The following CNTN6 variants were observed in gnomAD, a reference collection of about 807,000 sequenced individuals.
CNTN6 encodes the protein contactin-6.
CNTN6 carries 137 observed loss-of-function variants against 122.8 expected under a neutral mutation model. The observed-to-expected ratio is 1.12, with a 90% CI of 0.97 to 1.29. The LOEUF is 1.29. CNTN6 is among the 50% of genes most tolerant of loss of function. The pLI is 0.00. For missense variants in CNTN6, 1,634 were observed against 1,223.4 expected, an observed-to-expected ratio of 1.34 and a Z score of -5.01; for synonymous variants, 570 against 426.0, an observed-to-expected ratio of 1.34 and a Z score of -4.16.
intron 12 of CNTN6, among the ~76,000 whole-genome samples, chr3:1,355,472 C>G (rs1706398025): frequency 6.6e-6 from 1 of 151,552 alleles, no homozygotes; most frequent in South Asian, 2.1e-4. Context: ...ATTTTACAAC[C>G]TACAAATTTG....
intron 1 of CNTN6, among the ~76,000 whole-genome samples, chr3:1,105,087 T>C (rs1246840610): frequency 6.6e-6 from 1 of 152,150 alleles, no homozygotes; most frequent in African/African-American, 2.4e-5. Context: ...AATGTGAGTG[T>C]GTATATTACT....
At chr3:1,355,079 T>G (rs1353280448) in intron 12 of CNTN6, among the ~76,000 whole-genome samples, 1 of 151,642 alleles carries the variant, frequency 6.6e-6, no homozygotes, top group Non-Finnish European at 1.5e-5. Context: ...GTTACTTTCA[T>G]GCATTTACAC....
At chr3:1,265,365 G>A (rs1343474620) in intron 4 of CNTN6, among the ~76,000 whole-genome samples, 1 of 152,116 alleles carries the variant, frequency 6.6e-6, no homozygotes, top group African/African-American at 2.4e-5. Context: ...CCAATGAACA[G>A]ACATTTCCAT....
Position 1,311,419 on chromosome 3 carries a change from A to T in CNTN6, c.762-10231A>T, listed in dbSNP as rs1167667440. Among the ~76,000 whole-genome samples, 142 of 62,920 alleles carry T rather than the reference A, an allele frequency of 2.3e-3. 7 individuals carry two copies. The highest frequency in any genetic ancestry group is 8.1e-3 in the African/African-American group (121 of 14,848). The allele number at this position is 62,920 out of a possible 152,430, so 41.3% of individuals were successfully genotyped here. A position where few individuals can be genotyped will look rare whatever the true frequency, so the allele number is the denominator to read the frequency against. On this transcript the variant is annotated intron_variant, in intron 7 of 22. Coordinates refer to ENST00000446702, the MANE Select transcript of CNTN6 (RefSeq NM_001289080.2). ...ATATATGTACATATAAAATGTCTTT[A>T]TATGTACATATATGTACATATAAAA...
intron 17 of CNTN6, among the ~76,000 whole-genome samples, chr3:1,380,529 A>G (rs560642342): frequency 1.3e-5 from 2 of 152,314 alleles, no homozygotes; most frequent in South Asian, 2.1e-4. Flanking sequence ...AAATATTACT[A>G]TAAAATTAGG....
At chr3:1,241,292 G>T (rs1420616096) in intron 4 of CNTN6, among the ~76,000 whole-genome samples, 1 of 139,896 alleles carries the variant, frequency 7.1e-6, no homozygotes, top group Non-Finnish European at 1.6e-5. Flanking sequence ...TTGAAGTGTT[G>T]GGGTGGTGAA....
chr3:1,387,599 G>C (rs1001703926), intron 20 of CNTN6, among the ~76,000 whole-genome samples: 1 of 152,154 alleles, frequency 6.6e-6, no homozygotes, highest in Non-Finnish European at 1.5e-5. Flanking sequence ...AACAGCTCCG[G>C]TCTACAGCTC....
chr3:1,184,372 A>T (rs1023970290), intron 2 of CNTN6, among the ~76,000 whole-genome samples: 11 of 152,164 alleles, frequency 7.2e-5, no homozygotes, highest in Non-Finnish European at 2.9e-5. Flanking sequence ...CTAACCCAGA[A>T]ATTACAGTGA....
At chr3:1,225,066 C>A (rs912678651) in intron 3 of CNTN6, among the ~76,000 whole-genome samples, 2 of 152,104 alleles carry the variant, frequency 1.3e-5, no homozygotes, top group Non-Finnish European at 2.9e-5. Flanking sequence ...ATTCTTGACA[C>A]AGGACTGAAC....
At chr3:1,145,803 A>G (rs1016154606) in intron 1 of CNTN6, among the ~76,000 whole-genome samples, 1 of 152,198 alleles carries the variant, frequency 6.6e-6, no homozygotes, top group Non-Finnish European at 1.5e-5. Flanking sequence ...TCCTTGGAAA[A>G]GGAAGATTAG....
intron 5 of CNTN6, among the ~76,000 whole-genome samples, chr3:1,282,982 T>C (rs991066188): frequency 6.6e-6 from 1 of 151,208 alleles, no homozygotes; most frequent in Non-Finnish European, 1.5e-5. Flanking sequence ...CACAAAACTC[T>C]TTTTTTTTGA....
intron 12 of CNTN6, among the ~76,000 whole-genome samples, chr3:1,358,112 T>C (rs1457816238): frequency 6.6e-6 from 1 of 151,878 alleles, no homozygotes; most frequent in African/African-American, 2.4e-5. Flanking sequence ...TGTATTCTTT[T>C]GTGTTTGGTG....
chr3:1,295,893 T>G, intron 6 of CNTN6, 89 bp downstream of exon 6: 1 of 1,177,446 alleles, frequency 8.5e-7, no homozygotes, highest in Non-Finnish European at 1.2e-6. Flanking sequence ...TCCTTCTTGT[T>G]TGGTGGAGCC....
intron 15 of CNTN6, 25 bp from the exon 16 acceptor site, chr3:1,373,899 T>G: frequency 6.3e-7 from 1 of 1,595,466 alleles, no homozygotes. Context: ...CCAACCTAGG[T>G]GCCTTAGTGT....
intron 1 of CNTN6, among the ~76,000 whole-genome samples, chr3:1,124,571 A>T (rs945450480): frequency 5.3e-5 from 8 of 151,914 alleles, no homozygotes; most frequent in African/African-American, 1.9e-4. Flanking sequence ...GAGATAAAAG[A>T]ACACATATTG....
At chr3:1,149,599 ATATT>A (rs1346888659) in intron 2 of CNTN6, among the ~76,000 whole-genome samples, 1 of 152,200 alleles carries the variant, frequency 6.6e-6, no homozygotes, top group African/African-American at 2.4e-5. Context: ...TGCCATAGTT[ATATT>A]TACTCAAAGT....
At chr3:1,239,023 T>C (rs547020126) in intron 4 of CNTN6, among the ~76,000 whole-genome samples, 9 of 152,256 alleles carry the variant, frequency 5.9e-5, no homozygotes, top group African/African-American at 2.2e-4. Context: ...TTCACATGCA[T>C]AAACTAGAAA....
At chr3:1,248,867 GAAT>G (rs1459493279) in intron 4 of CNTN6, among the ~76,000 whole-genome samples, 1 of 151,408 alleles carries the variant, frequency 6.6e-6, no homozygotes, top group Admixed American at 6.6e-5. Context: ...AAAAAAAAAA[GAAT>G]AAATAAATAG....
chr3:1,300,670 C>A (rs926304580), intron 7 of CNTN6, among the ~76,000 whole-genome samples: 1 of 151,800 alleles, frequency 6.6e-6, no homozygotes, highest in Non-Finnish European at 1.5e-5. Context: ...GCTCACATAC[C>A]AGTTTCTTAA....
Sources: allele counts gnomAD v4.1 joint callset (sites outside exome capture counted in the v4.1 genomes callset), GRCh38; gene constraint gnomAD v4.1.1; transcripts MANE v1.5; gene names NCBI Gene and HGNC (gene_info 2026-07-23, HGNC 2026-07-21).